Variants in CCDC63 observed in about 807,000 individuals in gnomAD.
The protein encoded by CCDC63 is coiled-coil domain-containing protein 63.
CCDC63 carries 54 observed loss-of-function variants against 63.6 expected under a neutral mutation model. The observed-to-expected ratio is 0.85, with a 90% CI of 0.68 to 1.07. The LOEUF (loss-of-function observed/expected upper bound fraction) is 1.07. Ranked by LOEUF, CCDC63 falls within the 50% of genes least tolerant of loss-of-function variation. The pLI is 0.00. For synonymous variants in CCDC63, 253 were observed against 266.1 expected (o/e 0.95, Z 0.48); for missense variants, 637 against 689.6 (o/e 0.92, Z 0.86).
At chr12:110,895,588 T>C (rs979286853) in intron 9 of CCDC63, among the ~76,000 whole-genome samples, 2 of 152,162 alleles carry the variant, frequency 1.3e-5, no homozygotes, top group African/African-American at 4.8e-5. Flanking sequence ...GCAACCAAGC[T>C]CTGGGAGCCT....
At chr12:110,888,028 T>G (rs1454079643) in intron 8 of CCDC63, among the ~76,000 whole-genome samples, 1 of 152,218 alleles carries the variant, frequency 6.6e-6, no homozygotes, top group Non-Finnish European at 1.5e-5. Context: ...AAATCAGATC[T>G]GACACCTCCC....
At position 110,867,697 on chromosome 12, in the gene CCDC63, G is replaced by A. The variant is rs1490153452; in HGVS notation, c.370-6145G>A. On this transcript the variant is annotated intron_variant, in intron 4 of 11. Coordinates refer to ENST00000308208, the MANE Select transcript of CCDC63 (RefSeq NM_152591.3). ...TCCCAGACGGGGCGGCTGGCCGGGC[G>A]GAGGGCTGACCCCCCCACCTCCCTC... Among the ~76,000 whole-genome samples, 416 of 117,448 alleles carry A rather than the reference G, an allele frequency of 3.5e-3. 6 individuals carry two copies. Among genetic ancestry groups the A allele is most frequent in the Admixed American group, 5.9e-3 (74 of 12,468 alleles). 77.1% of individuals were successfully genotyped at this position (117,448 alleles called of 152,430 possible).
intron 5 of CCDC63, among the ~76,000 whole-genome samples, chr12:110,877,641 C>T (rs187119937): frequency 1.4e-4 from 21 of 152,058 alleles, no homozygotes; most frequent in Non-Finnish European, 2.5e-4. Context: ...CCCTTTCCCC[C>T]TCACCCCCTC....
intron 1 of CCDC63, among the ~76,000 whole-genome samples, chr12:110,848,054 C>T (rs1322874033): frequency 3.3e-5 from 5 of 152,234 alleles, no homozygotes; most frequent in Admixed American, 6.5e-5. Flanking sequence ...CTGCACTTTT[C>T]CTCGCACACG....
At chr12:110,906,535 G>A (rs988500154) in intron 11 of CCDC63, among the ~76,000 whole-genome samples, 47 of 151,928 alleles carry the variant, frequency 3.1e-4, no homozygotes, top group African/African-American at 1.1e-3. Context: ...CATGACTTTA[G>A]TAAGTAGGGG....
At chr12:110,857,657 C>T (rs1273063531) in intron 3 of CCDC63, among the ~76,000 whole-genome samples, 4 of 152,210 alleles carry the variant, frequency 2.6e-5, no homozygotes, top group Non-Finnish European at 5.9e-5. Context: ...GCCATCTCCC[C>T]TTGTTCCATT....
At position 110,852,840 on chromosome 12, in the gene CCDC63, C is replaced by T; in HGVS notation, c.-96-19C>T. 2 of 1,560,934 alleles carry T rather than the reference C, an allele frequency of 1.3e-6. No homozygotes were observed. The highest frequency in any genetic ancestry group is 3.3e-5 in the Admixed American group (2 of 59,884). ...CAGGGGTGGCTTACAAGTTCTCTTC[C>T]TTTTGCCACCATGAACAGGGCATTG... On this transcript the variant is annotated intron_variant, in intron 1 of 11. Transcript: ENST00000308208.
At chr12:110,870,865 C>G (rs4766437) in intron 4 of CCDC63, among the ~76,000 whole-genome samples, 5 of 152,178 alleles carry the variant, frequency 3.3e-5, no homozygotes, top group Non-Finnish European at 7.3e-5. Flanking sequence ...GCCAGCTTCC[C>G]CCTTTCTAGA....
chr12:110,902,392 C>T (rs1566141900), intron 10 of CCDC63, among the ~76,000 whole-genome samples: 1 of 152,198 alleles, frequency 6.6e-6, no homozygotes, highest in Non-Finnish European at 1.5e-5. Context: ...CTATCCTCCT[C>T]TCGATCCTTC....
At position 110,907,389 on chromosome 12, in the gene CCDC63, G is replaced by C; in HGVS notation, c.1605G>C (p.Leu535=). 6.2e-7 allele frequency: 1 copy of C among 1,614,134 alleles called. No individual in the cohort carries two copies. The highest frequency in any genetic ancestry group is 8.5e-7 in the Non-Finnish European group (1 of 1,180,018). The change falls in exon 12 of 12, where the codon CTG becomes CTC. Residue 535 remains leucine (L), a synonymous_variant. Transcript: ENST00000308208. The surrounding 1 kb of genome is among the most constrained non-coding windows in gnomAD (Gnocchi z 4.4). ...LRQLVLDNYI[L]KENRSKEVRG... ...AGCTGGTTCTCGACAATTATATCCT[G>C]AAGGAGAATCGGAGTAAGGAAGTGC...
intron 8 of CCDC63, among the ~76,000 whole-genome samples, chr12:110,885,714 CCTT>C (rs1185186625): frequency 1.3e-5 from 2 of 152,158 alleles, no homozygotes; most frequent in Non-Finnish European, 2.9e-5. Flanking sequence ...ATTCATTAGT[CCTT>C]CTTCTGCAGG....
At chr12:110,885,649 T>G (rs80105467) in intron 8 of CCDC63, among the ~76,000 whole-genome samples, 2,883 of 152,260 alleles carry the variant, frequency 0.019, 80 homozygotes, top group African/African-American at 0.066. Context: ...TTTTCTCTTC[T>G]GATGAAATCC....
intron 5 of CCDC63, among the ~76,000 whole-genome samples, chr12:110,875,645 G>A (rs141360134): frequency 6.4e-4 from 98 of 152,158 alleles, no homozygotes; most frequent in African/African-American, 2.2e-3. Context: ...CTAATCTGTT[G>A]GTATATAGTT....
intron 11 of CCDC63, among the ~76,000 whole-genome samples, chr12:110,905,266 ACG>A (rs2071545029): frequency 6.6e-6 from 1 of 151,628 alleles, no homozygotes; most frequent in Non-Finnish European, 1.5e-5. Context: ...CCCTAACCCC[ACG>A]GTTGAAGCAG....
chr12:110,890,419 A>T (rs897375669), intron 8 of CCDC63, among the ~76,000 whole-genome samples: 1 of 152,172 alleles, frequency 6.6e-6, no homozygotes, highest in Non-Finnish European at 1.5e-5. Context: ...AGGAGATGGG[A>T]TTCTTCCTGA....
At chr12:110,848,316 G>T (rs1432351424) in intron 1 of CCDC63, among the ~76,000 whole-genome samples, 1 of 152,188 alleles carries the variant, frequency 6.6e-6, no homozygotes, top group Non-Finnish European at 1.5e-5. Flanking sequence ...TGAATGAGAG[G>T]GTGGTAAGCC....
chr12:110,884,342 C>T (rs927228071), intron 8 of CCDC63, 92 bp downstream of exon 8: 1 of 963,568 alleles, frequency 1.0e-6, no homozygotes, highest in Non-Finnish European at 1.6e-6. Context: ...GTGAGAGGCA[C>T]TACAGAAAGC....
At chr12:110,899,237 G>A (rs2071454545) in intron 10 of CCDC63, 112 bp downstream of exon 10, 1 of 934,926 alleles carries the variant, frequency 1.1e-6, no homozygotes, top group South Asian at 1.9e-5. Context: ...AAAGTGTGTG[G>A]GCACTAAAGC....
At chr12:110,871,153 T>G (rs1260555490) in intron 4 of CCDC63, among the ~76,000 whole-genome samples, 1 of 152,128 alleles carries the variant, frequency 6.6e-6, no homozygotes, top group Admixed American at 6.6e-5. Context: ...TTATTTTTAT[T>G]TTTTTTGAGA....
Sources: gnomAD v4.1 joint callset for allele counts (sites outside exome capture counted in the v4.1 genomes callset) on GRCh38, gnomAD v4.1.1 for gene constraint, Gnocchi (gnomAD v3.1) non-coding constraint, MANE v1.5 for transcripts, NCBI Gene and HGNC (gene_info 2026-07-23, HGNC 2026-07-21) for gene names.